The following NKAIN3 variants were observed in gnomAD, a reference collection of about 807,000 sequenced individuals.
NKAIN3 encodes the protein sodium/potassium-transporting ATPase subunit beta-1-interacting protein 3.
In NKAIN3, 25 loss-of-function variants were observed where a neutral mutation model predicts 30.2. That is an observed-to-expected ratio of 0.83 (90% confidence interval 0.60 to 1.16). The LOEUF (loss-of-function observed/expected upper bound fraction) is 1.16, where lower values mean the gene tolerates loss of function less well. Ranked by LOEUF, NKAIN3 falls within the 50% of genes most tolerant of loss-of-function variation. The pLI is 0.00. For missense variants in NKAIN3, 225 were observed against 254.1 expected, an observed-to-expected ratio of 0.89 and a Z score of 0.78; for synonymous variants, 91 against 89.6, an observed-to-expected ratio of 1.02 and a Z score of -0.09.
At chr8:62,305,710 G>A (rs961964302) in intron 1 of NKAIN3, among the ~76,000 whole-genome samples, 1 of 150,492 alleles carries the variant, frequency 6.6e-6, no homozygotes, top group Non-Finnish European at 1.5e-5. Context: ...AAGCACTAAA[G>A]TGTGATGATG....
chr8:62,447,237 A>C (rs1200132984), intron 1 of NKAIN3, among the ~76,000 whole-genome samples: 4 of 152,046 alleles, frequency 2.6e-5, no homozygotes, highest in Admixed American at 1.3e-4. Context: ...CAGTTTAATA[A>C]ATAGAATCTT....
At chr8:62,926,794 T>C (rs17276007) in intron 5 of NKAIN3, among the ~76,000 whole-genome samples, 2,635 of 152,318 alleles carry the variant, frequency 0.017, 34 homozygotes, top group Non-Finnish European at 0.026. Context: ...CTGTCAGATC[T>C]GTCTGTATCC....
At chr8:62,262,123 AT>A (rs1394782315) in intron 1 of NKAIN3, among the ~76,000 whole-genome samples, 1 of 152,166 alleles carries the variant, frequency 6.6e-6, no homozygotes, top group Non-Finnish European at 1.5e-5. Flanking sequence ...ATGAAATGTG[AT>A]TTTAAAAATG....
chr8:62,352,938 G>A (rs567716010), intron 1 of NKAIN3, among the ~76,000 whole-genome samples: 1 of 152,300 alleles, frequency 6.6e-6, no homozygotes, highest in South Asian at 2.1e-4. Context: ...CATTCAGGCA[G>A]ACTGATGACT....
rs1344889135 is a variant in NKAIN3 at position 62,836,422 on chromosome 8, T to G, written c.472-82031T>G. Among the ~76,000 whole-genome samples the G allele has an allele frequency of 2.0e-5, 3 of 152,158 alleles. No homozygotes were observed. The East Asian group carries it at 5.8e-4, about 29-fold the overall frequency. On this transcript the variant is annotated intron_variant, in intron 4 of 6. Coordinates refer to ENST00000623646, the MANE Select transcript of NKAIN3 (RefSeq NM_001304533.3). ...CTAAAACATACCCTTTTATTTTAGA[T>G]TTTGTATGGTGTCCTGTGACAATAA...
chr8:62,336,309 C>T (rs956520419), intron 1 of NKAIN3, among the ~76,000 whole-genome samples: 2 of 152,050 alleles, frequency 1.3e-5, no homozygotes, highest in African/African-American at 2.4e-5. Flanking sequence ...GGCGCTTTCT[C>T]CATTTTGCCT....
intron 1 of NKAIN3, among the ~76,000 whole-genome samples, chr8:62,287,196 A>C (rs1813407747): frequency 6.6e-6 from 1 of 151,664 alleles, no homozygotes; most frequent in Non-Finnish European, 1.5e-5. Flanking sequence ...TGATAATGTA[A>C]GTGTTAGATT....
intron 1 of NKAIN3, among the ~76,000 whole-genome samples, chr8:62,546,880 T>C (rs1809031934): frequency 6.6e-6 from 1 of 152,288 alleles, no homozygotes; most frequent in African/African-American, 2.4e-5. Flanking sequence ...GCTTTAAATA[T>C]TGAATGATGG....
chr8:62,249,284 C>T (rs76598776), intron 1 of NKAIN3, among the ~76,000 whole-genome samples, 157 bp downstream of exon 1: 5,075 of 152,336 alleles, frequency 0.033, 313 homozygotes, highest in African/African-American at 0.12. Flanking sequence ...GCTGGGCTCG[C>T]ACTGCTCTCC....
rs117716721 is a variant in NKAIN3 at position 62,627,213 on chromosome 8, T to A, written c.273+37419T>A. ...AAATTTAATTTTTCTATTTGAGAAA[T>A]ACAGGTAACAGCACCCACACAAGTA... On this transcript the variant is annotated intron_variant, in intron 3 of 6. Coordinates refer to ENST00000623646, the MANE Select transcript of NKAIN3 (RefSeq NM_001304533.3). 2.4e-4 allele frequency among the ~76,000 whole-genome samples: 37 copies of A among 152,266 alleles called. No homozygotes were observed. In the East Asian group the frequency reaches 6.8e-3, roughly 28 times the overall value.
chr8:62,326,645 A>G (rs970635508), intron 1 of NKAIN3, among the ~76,000 whole-genome samples: 4 of 151,992 alleles, frequency 2.6e-5, no homozygotes, highest in African/African-American at 9.7e-5. Context: ...GGTTCAAAAA[A>G]CTAAATGTAT....
At chr8:62,440,024 T>C (rs142510820) in intron 1 of NKAIN3, among the ~76,000 whole-genome samples, 18 of 152,298 alleles carry the variant, frequency 1.2e-4, no homozygotes, top group African/African-American at 4.3e-4. Context: ...CACTTTTTCA[T>C]TGAATTCTGC....
chr8:62,562,837 A>G (rs1021144934), intron 1 of NKAIN3, among the ~76,000 whole-genome samples: 1 of 152,176 alleles, frequency 6.6e-6, no homozygotes, highest in African/African-American at 2.4e-5. Context: ...TGTACTTTAA[A>G]GAGACTTTTT....
At chr8:62,640,704 C>T (rs942949739) in intron 3 of NKAIN3, among the ~76,000 whole-genome samples, 5 of 152,086 alleles carry the variant, frequency 3.3e-5, no homozygotes, top group Admixed American at 1.3e-4. Context: ...CTGGCAAACA[C>T]GTCTGGCTTA....
chr8:62,304,114 C>T (rs1563926276), intron 1 of NKAIN3, among the ~76,000 whole-genome samples: 1 of 150,290 alleles, frequency 6.7e-6, no homozygotes, highest in East Asian at 1.9e-4. Flanking sequence ...TATATACATC[C>T]TAAGGGATGG....
At chr8:62,331,101 A>T (rs1291566285) in intron 1 of NKAIN3, among the ~76,000 whole-genome samples, 2 of 148,728 alleles carry the variant, frequency 1.3e-5, no homozygotes, top group Non-Finnish European at 3.0e-5. Context: ...CTCCATATAT[A>T]TATATGTATA....
At chr8:62,937,927 G>A (rs537162127) in intron 5 of NKAIN3, among the ~76,000 whole-genome samples, 3 of 151,968 alleles carry the variant, frequency 2.0e-5, no homozygotes, top group Admixed American at 6.6e-5. Context: ...TATCATTGCC[G>A]GCTTTCTCCC....
chr8:62,945,975 G>C (rs897733057), intron 5 of NKAIN3, among the ~76,000 whole-genome samples: 1 of 152,046 alleles, frequency 6.6e-6, no homozygotes, highest in Admixed American at 6.6e-5. Context: ...AAAAAATGTT[G>C]GTAAACTCTG....
At chr8:62,732,201 A>G (rs535925250) in intron 3 of NKAIN3, among the ~76,000 whole-genome samples, 1 of 152,258 alleles carries the variant, frequency 6.6e-6, no homozygotes, top group African/African-American at 2.4e-5. Flanking sequence ...CCCCCAATAG[A>G]TGTCATTAAT....
Sources: allele counts gnomAD v4.1 joint callset (sites outside exome capture counted in the v4.1 genomes callset), GRCh38; gene constraint gnomAD v4.1.1; transcripts MANE v1.5; gene names NCBI Gene and HGNC (gene_info 2026-07-23, HGNC 2026-07-21).